ZDHHC21: variants seen among roughly 807,000 people sequenced by gnomAD.
ZDHHC21 encodes the protein palmitoyltransferase ZDHHC21.
A neutral mutation model predicts 34.6 loss-of-function variants in ZDHHC21; 15 were observed. That is an observed-to-expected ratio of 0.43 (90% CI 0.29 to 0.67). The LOEUF is 0.67. ZDHHC21 is among the 30% of genes least tolerant of loss of function. The pLI, the probability that ZDHHC21 is intolerant of heterozygous loss-of-function variation, is 0.14. For synonymous variants in ZDHHC21, 142 were observed against 101.8 expected (o/e 1.40, Z -2.38); for missense variants, 344 against 327.7 (o/e 1.05, Z -0.38).
chr9:14,593,838 G>C, the ZDHHC21 span: 1 of 152,588 alleles, frequency 6.6e-6, no homozygotes, highest in African/African-American at 2.4e-5. Flanking sequence ...CCAGGGTGAA[G>C]GGCAAGTGCT....
intron 7 of ZDHHC21, among the ~76,000 whole-genome samples, chr9:14,651,952 T>C (rs1244078477): frequency 6.6e-6 from 1 of 151,940 alleles, no homozygotes; most frequent in Non-Finnish European, 1.5e-5. Flanking sequence ...ATGATTTTCA[T>C]GCCAATAAAT....
intron 8 of ZDHHC21, among the ~76,000 whole-genome samples, chr9:14,624,071 G>T (rs186374675): frequency 6.6e-6 from 1 of 151,984 alleles, no homozygotes; most frequent in Non-Finnish European, 1.5e-5. Flanking sequence ...ATCAACCATG[G>T]ATCGAAAATA....
intron 7 of ZDHHC21, among the ~76,000 whole-genome samples, chr9:14,658,490 T>TTTTTTTG (rs869259962): frequency 7.1e-6 from 1 of 140,622 alleles, no homozygotes; most frequent in Admixed American, 7.1e-5. Flanking sequence ...TTTTTTTTTT[T>TTTTTTTG]GAGACGGAGT....
the ZDHHC21 span, among the ~76,000 whole-genome samples, chr9:14,594,826 A>G: frequency 6.6e-6 from 1 of 152,194 alleles, no homozygotes; most frequent in Admixed American, 6.5e-5. Context: ...CATAATTCTT[A>G]TAATAATAAG....
At chr9:14,677,429 A>G (rs996919908) in intron 3 of ZDHHC21, 1 of 151,984 alleles carries the variant, frequency 6.6e-6, no homozygotes, top group African/African-American at 2.4e-5. Context: ...AGATCTCTCC[A>G]CTCAATTAAT....
intron 8 of ZDHHC21, among the ~76,000 whole-genome samples, chr9:14,623,083 C>T (rs1825578522): frequency 6.7e-6 from 1 of 148,562 alleles, no homozygotes; most frequent in Non-Finnish European, 1.5e-5. Flanking sequence ...TGGAAGAAAA[C>T]ATAGAGGAAA....
At chr9:14,654,923 A>G (rs920912582) in intron 7 of ZDHHC21, among the ~76,000 whole-genome samples, 3 of 152,078 alleles carry the variant, frequency 2.0e-5, no homozygotes, top group African/African-American at 7.2e-5. Flanking sequence ...AGGAGAAAAA[A>G]TTGAGCAGAG....
rs546878717 is a variant in ZDHHC21, at chr9:14,617,605, T to A, written c.*1361A>T. 3.9e-5 allele frequency: 6 copies of A among 152,108 alleles called. No homozygotes were observed. Among genetic ancestry groups the A allele is most frequent in the African/African-American group, 1.2e-4 (5 of 41,540 alleles). The allele number at this position is 152,108 out of a possible 1,614,324, so 9.4% of individuals were successfully genotyped here. ...AAAGACTGTGAGTACATAAATTTTT[T>A]AAAAAGATATATGGGTTTTGCAGTA... On this transcript the variant is annotated 3_prime_UTR_variant, in exon 10 of 10. Coordinates refer to ENST00000380916, the MANE Select transcript of ZDHHC21 (RefSeq NM_178566.6).
intron 7 of ZDHHC21, among the ~76,000 whole-genome samples, chr9:14,647,318 TG>T (rs1486296596): frequency 6.6e-6 from 1 of 152,160 alleles, no homozygotes; most frequent in African/African-American, 2.4e-5. Flanking sequence ...GAGTCAGATT[TG>T]GCTATTTATG....
intron 7 of ZDHHC21, among the ~76,000 whole-genome samples, chr9:14,640,407 T>G (rs2133711055): frequency 6.6e-6 from 1 of 152,098 alleles, no homozygotes; most frequent in South Asian, 2.1e-4. Flanking sequence ...AATTTTATTA[T>G]TTCTCTGCTA....
chr9:14,638,314 C>T (rs1157237890), intron 8 of ZDHHC21, among the ~76,000 whole-genome samples: 1 of 151,912 alleles, frequency 6.6e-6, no homozygotes, highest in East Asian at 1.9e-4. Flanking sequence ...ATGAGAAGTG[C>T]TGGGAAAATT....
Position 14,619,639 on chromosome 9 carries a change from A to AT in ZDHHC21, c.664dup (p.Ile222AsnfsTer119). The AT allele has an allele frequency of 7.1e-7, 1 of 1,416,328 alleles. No individual in the cohort carries two copies. Among genetic ancestry groups the AT allele is most frequent in the Non-Finnish European group, 9.7e-7 (1 of 1,030,854 alleles). 87.7% of individuals were successfully genotyped at this position (1,416,328 alleles called of 1,614,324 possible). Reference sequence around the variant, plus strand: ...CTATACACTTCAGTTTTATACTTACATATCTTCACAACAGTTTGACATCTT... The same window carrying AT: ...CTATACACTTCAGTTTTATACTTACATTATCTTCACAACAGTTTGACATCTT... On this transcript the variant is annotated frameshift_variant and splice_region_variant, in exon 9 of 10. Transcript: ENST00000380916. LOFTEE classifies it high-confidence loss of function.
At chr9:14,686,067 G>T (rs1838268211) in intron 2 of ZDHHC21, among the ~76,000 whole-genome samples, 2 of 151,938 alleles carry the variant, frequency 1.3e-5, no homozygotes, top group South Asian at 4.2e-4. Context: ...GGGTGGGGGA[G>T]GGGGGAGGAA....
the ZDHHC21 span, among the ~76,000 whole-genome samples, chr9:14,590,675 A>C: frequency 2.6e-5 from 4 of 152,136 alleles, no homozygotes; most frequent in Admixed American, 1.3e-4. Flanking sequence ...TGAGGGTGAA[A>C]GAAAAATTTT....
At chr9:14,662,074 T>C (rs1833498260) in intron 6 of ZDHHC21, 141 bp downstream of exon 6, 3 of 514,308 alleles carry the variant, frequency 5.8e-6, no homozygotes, top group Admixed American at 3.9e-5. Context: ...CAGAACCATA[T>C]AATCTAAATA....
chr9:14,596,331 A>T, the ZDHHC21 span, among the ~76,000 whole-genome samples: 1 of 152,206 alleles, frequency 6.6e-6, no homozygotes, highest in Non-Finnish European at 1.5e-5. Flanking sequence ...TGGCAACATG[A>T]GGCTGCGCCC....
At chr9:14,625,868 T>C (rs1826115195) in intron 8 of ZDHHC21, among the ~76,000 whole-genome samples, 2 of 151,972 alleles carry the variant, frequency 1.3e-5, no homozygotes, top group Admixed American at 1.3e-4. Context: ...TTCATTCATT[T>C]ATCCATCTAT....
At chr9:14,657,244 A>G (rs1165235724) in intron 7 of ZDHHC21, among the ~76,000 whole-genome samples, 2 of 152,252 alleles carry the variant, frequency 1.3e-5, no homozygotes, top group East Asian at 1.9e-4. Flanking sequence ...TTAATAGGCC[A>G]AAGAAAAATT....
At position 14,674,329 on chromosome 9, in the gene ZDHHC21, C is replaced by G; in HGVS notation, c.12G>C (p.Arg4=). The part of the protein sequence containing the change: MGL[R]IHFVVDPHGW... ...CATGTGGGTCAACAACAAAGTGAAT[C>G]CGGAGACCCATTTTGCAATCTTATA... The change falls in exon 4 of 10, where the codon CGG becomes CGC. Residue 4 remains arginine, a synonymous_variant. Transcript: ENST00000380916. 6.3e-7 allele frequency: 1 copy of G among 1,593,986 alleles called. No homozygotes were observed. Among genetic ancestry groups the G allele is most frequent in the Non-Finnish European group, 8.5e-7 (1 of 1,172,272 alleles).
Sources: allele counts gnomAD v4.1 joint callset (sites outside exome capture counted in the v4.1 genomes callset), GRCh38; gene constraint gnomAD v4.1.1; transcripts MANE v1.5; gene names NCBI Gene and HGNC (gene_info 2026-07-23, HGNC 2026-07-21).